Variants in RAB27B observed in about 807,000 individuals in gnomAD.
RAB27B encodes the protein ras-related protein Rab-27B.
A neutral mutation model predicts 24.6 loss-of-function variants in RAB27B; 15 were observed. That is an observed-to-expected ratio of 0.61 (90% CI 0.41 to 0.94). RAB27B has a LOEUF of 0.94. Among genes scored for constraint, RAB27B ranks in the 40% least tolerant of loss-of-function variants. The pLI, the probability that RAB27B is intolerant of heterozygous loss-of-function variation, is 0.00. For missense variants in RAB27B, 261 were observed against 266.8 expected (o/e 0.98, Z 0.15); for synonymous variants, 105 against 92.5 (o/e 1.14, Z -0.78).
At chr18:54,887,600 T>G (rs926813170) in intron 4 of RAB27B, among the ~76,000 whole-genome samples, 2 of 152,142 alleles carry the variant, frequency 1.3e-5, no homozygotes, top group Non-Finnish European at 2.9e-5. Flanking sequence ...TACTAAATGT[T>G]TGGTGTTGAC....
At chr18:54,809,674 T>C (rs1909902483) in intron 2 of RAB27B, among the ~76,000 whole-genome samples, 1 of 152,244 alleles carries the variant, frequency 6.6e-6, no homozygotes, top group African/African-American at 2.4e-5. Flanking sequence ...ATGCTTTAGT[T>C]AAGTAAATGT....
chr18:54,868,452 A>G (rs1322012949), intron 1 of RAB27B, among the ~76,000 whole-genome samples: 2 of 152,098 alleles, frequency 1.3e-5, no homozygotes, highest in Non-Finnish European at 2.9e-5. Context: ...TTTTTTCTTT[A>G]TAAAGTACCC....
rs184532751 is a variant in RAB27B, at chr18:54,731,127, G to A, written c.-20+12986G>A. Among the ~76,000 whole-genome samples, 15 of 152,268 alleles carry A rather than the reference G, an allele frequency of 9.9e-5. No individual in the cohort carries two copies. In the East Asian group the frequency reaches 2.9e-3, roughly 29 times the overall value. On this transcript the variant is annotated intron_variant, in intron 2 of 4. Transcript: ENST00000586570. ...CAGATATGAAATGAAGGCTGGAATAGCAATAATCATAGTAGGGAAATAAAT... is the reference window on the plus strand; with the variant it reads ...CAGATATGAAATGAAGGCTGGAATAACAATAATCATAGTAGGGAAATAAAT...
chr18:54,814,078 G>A (rs1910049386), intron 2 of RAB27B, among the ~76,000 whole-genome samples: 3 of 152,082 alleles, frequency 2.0e-5, no homozygotes, highest in Admixed American at 1.3e-4. Context: ...ATTTAATTAA[G>A]CACTGTCTTA....
chr18:54,721,681 T>C (rs959239305), intron 2 of RAB27B, among the ~76,000 whole-genome samples: 20 of 152,208 alleles, frequency 1.3e-4, no homozygotes, highest in Non-Finnish European at 2.6e-4. Context: ...ATTAACCAAA[T>C]GCATTGTTAC....
chr18:54,745,891 T>A (rs1910229004), intron 2 of RAB27B, among the ~76,000 whole-genome samples: 1 of 149,484 alleles, frequency 6.7e-6, no homozygotes, highest in Admixed American at 6.7e-5. Flanking sequence ...TTATAAATAT[T>A]TATTAGCTAC....
intron 2 of RAB27B, among the ~76,000 whole-genome samples, chr18:54,812,262 G>A (rs112977506): frequency 1.3e-5 from 2 of 148,300 alleles, no homozygotes; most frequent in African/African-American, 2.5e-5. Context: ...ATGAATGAAG[G>A]ATTTGAGTTT....
chr18:54,785,108 C>CT (rs35254252), intron 2 of RAB27B, among the ~76,000 whole-genome samples: 139,330 of 148,818 alleles, frequency 0.94, 65,579 homozygotes, highest in South Asian at 1. Context: ...GCTGAATGTT[C>CT]TTTTTTTTTT....
At chr18:54,800,973 G>A (rs1461109981) in intron 2 of RAB27B, among the ~76,000 whole-genome samples, 3 of 149,142 alleles carry the variant, frequency 2.0e-5, no homozygotes, top group African/African-American at 7.4e-5. Flanking sequence ...TTATTTTTTG[G>A]AGTTGTTGAA....
At chr18:54,883,757 C>G (rs1913019872) in intron 3 of RAB27B, among the ~76,000 whole-genome samples, 3 of 152,166 alleles carry the variant, frequency 2.0e-5, no homozygotes, top group Non-Finnish European at 2.9e-5. Context: ...CAATCATCTT[C>G]CTTTTCCTCG....
At chr18:54,762,277 C>T (rs1365440707) in intron 2 of RAB27B, among the ~76,000 whole-genome samples, 1 of 152,132 alleles carries the variant, frequency 6.6e-6, no homozygotes, top group Admixed American at 6.5e-5. Context: ...GCAACCTCCA[C>T]CTCCTGAGTG....
At chr18:54,879,794 G>A (rs1257683865) in intron 3 of RAB27B, 2 of 204,394 alleles carry the variant, frequency 9.8e-6, no homozygotes, top group East Asian at 1.1e-4. Flanking sequence ...ACTTGAAGAG[G>A]GAGTTGAAGA....
chr18:54,751,798 G>A (rs757384496), intron 2 of RAB27B, among the ~76,000 whole-genome samples: 6 of 152,178 alleles, frequency 3.9e-5, no homozygotes, highest in Admixed American at 6.5e-5. Context: ...ATTGAGCATC[G>A]CATGTATGAA....
At chr18:54,726,014 G>T (rs1909526305) in intron 2 of RAB27B, among the ~76,000 whole-genome samples, 1 of 151,572 alleles carries the variant, frequency 6.6e-6, no homozygotes, top group Non-Finnish European at 1.5e-5. Context: ...GCTCATCTAT[G>T]AGACCTGCAG....
At chr18:54,800,194 T>C (rs1389988684) in intron 2 of RAB27B, among the ~76,000 whole-genome samples, 1 of 152,222 alleles carries the variant, frequency 6.6e-6, no homozygotes, top group Non-Finnish European at 1.5e-5. Flanking sequence ...CCACACTGTG[T>C]GGTTGTTAAT....
At chr18:54,774,520 C>T (rs971808944) in intron 2 of RAB27B, among the ~76,000 whole-genome samples, 1 of 152,216 alleles carries the variant, frequency 6.6e-6, no homozygotes, top group Non-Finnish European at 1.5e-5. Flanking sequence ...CTCCTGACTA[C>T]TGTTAAGAGA....
intron 3 of RAB27B, among the ~76,000 whole-genome samples, chr18:54,883,262 C>T (rs569641963): frequency 6.6e-6 from 1 of 152,080 alleles, no homozygotes; most frequent in East Asian, 1.9e-4. Context: ...TTGGGCTTCT[C>T]AACACACAGG....
rs111755244 is a variant in RAB27B at position 54,761,457 on chromosome 18, A to G, written c.-20+43316A>G. Among the ~76,000 whole-genome samples the G allele has an allele frequency of 8.4e-3, 1,278 of 152,328 alleles. 19 individuals are homozygous for G. Among genetic ancestry groups the G allele is most frequent in the Non-Finnish European group, 0.014 (942 of 68,030 alleles). On this transcript the variant is annotated intron_variant, in intron 2 of 4. Transcript: ENST00000586570. ...TGCTCTATTTGAATTGCAACAAAAT[A>G]TACTAAGCTATGGGTATTTTTAATA...
rs1163674381 is a variant in RAB27B at position 54,877,688 on chromosome 18, A to C, written c.103A>C (p.Asn35His). 1 of 1,596,396 alleles carries C rather than the reference A, an allele frequency of 6.3e-7. No individual in the cohort carries two copies. The change falls in exon 2 of 6, where the codon AAT becomes CAT. Residue 35 changes from asparagine (N) to histidine (H), a missense_variant. By Grantham distance (68) the Asn-to-His change is moderately conservative (BLOSUM62 1). Transcript: ENST00000262094. Reference protein sequence around the residue: ...FLYRYTDNKFNPKFITTVGID... With the variant: ...FLYRYTDNKFHPKFITTVGID... ...TTATAGATACACAGATAATAAATTC[A>C]ATCCCAAATTCATCACTACAGTAGG...
Sources: allele counts gnomAD v4.1 joint callset (sites outside exome capture counted in the v4.1 genomes callset), GRCh38; gene constraint gnomAD v4.1.1; transcripts MANE v1.5; gene names NCBI Gene and HGNC (gene_info 2026-07-23, HGNC 2026-07-21).